The following RSPO3 variants were observed in gnomAD, a reference collection of about 807,000 sequenced individuals.
RSPO3 encodes R-spondin 3.
In RSPO3, 17 loss-of-function variants were observed where a neutral mutation model predicts 36.5. The observed-to-expected ratio is 0.47, with a 90% CI of 0.32 to 0.70. The LOEUF is 0.70. Among genes scored for constraint, RSPO3 ranks in the 30% least tolerant of loss-of-function variants. The pLI, the probability that RSPO3 is intolerant of heterozygous loss-of-function variation, is 0.04. For synonymous variants in RSPO3, 108 were observed against 107.0 expected (o/e 1.01, Z -0.06); for missense variants, 294 against 322.5 (o/e 0.91, Z 0.68).
At chr6:127,166,730 T>C (rs1283505450) in intron 4 of RSPO3, among the ~76,000 whole-genome samples, 4 of 152,000 alleles carry the variant, frequency 2.6e-5, no homozygotes, top group Non-Finnish European at 5.9e-5. Flanking sequence ...AGATTATTTT[T>C]CAAAAAGGTG....
rs73771624 is a variant in RSPO3 at position 127,187,708 on chromosome 6, C to G, written c.635-8115C>G. The stretch of plus-strand genomic sequence containing the variant: ...AGATAGGATTTCAAAGTCAAGATAA[C>G]AACTTCTGCTCTGAAGAAAAAATTA... On this transcript the variant is annotated intron_variant, in intron 4 of 4. Transcript: ENST00000356698. Among the ~76,000 whole-genome samples, 821 of 152,104 alleles carry G rather than the reference C, an allele frequency of 5.4e-3. 6 individuals are homozygous for G. Among genetic ancestry groups the G allele is most frequent in the African/African-American group, 0.018 (750 of 41,510 alleles).
At chr6:127,163,769 T>C (rs922000970) in intron 4 of RSPO3, among the ~76,000 whole-genome samples, 1 of 152,230 alleles carries the variant, frequency 6.6e-6, no homozygotes, top group Non-Finnish European at 1.5e-5. Flanking sequence ...ATGATAGTCC[T>C]TTTTCACCAA....
At chr6:127,181,497 T>G (rs1775185992) in intron 4 of RSPO3, among the ~76,000 whole-genome samples, 1 of 151,826 alleles carries the variant, frequency 6.6e-6, no homozygotes, top group Admixed American at 6.6e-5. Context: ...TAGGGTTGAT[T>G]CACACACCCA....
At chr6:127,135,223 C>T (rs2114555996) in intron 1 of RSPO3, among the ~76,000 whole-genome samples, 1 of 151,830 alleles carries the variant, frequency 6.6e-6, no homozygotes, top group South Asian at 2.1e-4. Context: ...AGATCGAGAC[C>T]ATCATAGCCA....
chr6:127,137,579 C>T (rs1466434745), intron 1 of RSPO3, among the ~76,000 whole-genome samples: 1 of 152,132 alleles, frequency 6.6e-6, no homozygotes, highest in Non-Finnish European at 1.5e-5. Context: ...TCAATATTCT[C>T]ATCTGCAAAT....
In RSPO3 at chr6:127,173,665, G is replaced by A. The variant is rs182126286; in HGVS notation, c.634+18227G>A. Among the ~76,000 whole-genome samples the A allele has an allele frequency of 5.0e-4, 76 of 151,994 alleles. 1 individual carries two copies. The highest frequency in any genetic ancestry group is 9.0e-4 in the Non-Finnish European group (61 of 67,894). ...ATGAAGCAAACTTCCCACCCCAGGA[G>A]GCTTCTCAGCCTGAAGCAAGCTGTA... On this transcript the variant is annotated intron_variant, in intron 4 of 4. Transcript: ENST00000356698.
chr6:127,198,385 A>G lies in RSPO3; in HGVS notation c.*2378A>G, dbSNP rs1314562219. 6.6e-6 allele frequency among the ~76,000 whole-genome samples: 1 copy of G among 152,236 alleles called. No individual in the cohort carries two copies. The highest frequency in any genetic ancestry group is 1.5e-5 in the Non-Finnish European group (1 of 68,044). On this transcript the variant is annotated 3_prime_UTR_variant, in exon 5 of 5. Coordinates refer to ENST00000356698, the MANE Select transcript of RSPO3 (RefSeq NM_032784.5). ...TCCACCAGTAACAGATCCTTAAGACAATAGAATCATACAGTATTCAAACCA... is the reference window on the plus strand; with the variant it reads ...TCCACCAGTAACAGATCCTTAAGACGATAGAATCATACAGTATTCAAACCA...
At chr6:127,178,527 T>C (rs893053884) in intron 4 of RSPO3, among the ~76,000 whole-genome samples, 1 of 151,748 alleles carries the variant, frequency 6.6e-6, no homozygotes, top group Non-Finnish European at 1.5e-5. Flanking sequence ...AAGAAAAACA[T>C]GCTGGGTTAA....
chr6:127,191,919 A>C (rs1052789791), intron 4 of RSPO3, among the ~76,000 whole-genome samples: 1 of 152,148 alleles, frequency 6.6e-6, no homozygotes, highest in Non-Finnish European at 1.5e-5. Flanking sequence ...GTAATATTCT[A>C]TATATAGACT....
chr6:127,130,566 T>C (rs1220014727), intron 1 of RSPO3, among the ~76,000 whole-genome samples: 2 of 152,138 alleles, frequency 1.3e-5, no homozygotes, highest in Non-Finnish European at 2.9e-5. Flanking sequence ...CATGACCTGA[T>C]TGTCACTATG....
At chr6:127,175,928 G>T (rs539152259) in intron 4 of RSPO3, among the ~76,000 whole-genome samples, 27 of 151,742 alleles carry the variant, frequency 1.8e-4, no homozygotes, top group Admixed American at 1.6e-3. Flanking sequence ...ATCTTAAATT[G>T]TTTTCTTATA....
intron 3 of RSPO3, among the ~76,000 whole-genome samples, chr6:127,153,315 T>A (rs1486470728): frequency 6.6e-6 from 1 of 152,108 alleles, no homozygotes; most frequent in Admixed American, 6.6e-5. Context: ...CTAAATCACC[T>A]TTGTGTTGTC....
At position 127,150,522 on chromosome 6, in the gene RSPO3, G is replaced by T; in HGVS notation, c.386G>T (p.Cys129Phe). 1 of 1,612,204 alleles carries T rather than the reference G, an allele frequency of 6.2e-7. No individual in the cohort carries two copies. Among genetic ancestry groups the T allele is most frequent in the East Asian group, 2.2e-5 (1 of 44,776 alleles). Residue 129 changes from cysteine to phenylalanine, a missense_variant, in exon 3 of 5, where the codon TGC (cysteine) becomes TTC (phenylalanine). Around this residue, in one of 3 missense-constraint regions of RSPO3, gnomAD observed 190 missense variants for 185.2 expected, o/e 1.03. Coordinates refer to ENST00000356698, the MANE Select transcript of RSPO3 (RefSeq NM_032784.5). ...CACCTTGGAAAGTGCCTTGACAATT[G>T]CCCAGAAGGGTTGGAAGCCAACAAC... Reference protein sequence around the residue: ...YLHLGKCLDNCPEGLEANNHT... With the variant: ...YLHLGKCLDNFPEGLEANNHT...
intron 1 of RSPO3, among the ~76,000 whole-genome samples, chr6:127,131,721 T>A (rs1405194869): frequency 2.0e-5 from 3 of 152,074 alleles, no homozygotes; most frequent in African/African-American, 7.2e-5. Flanking sequence ...AGATGTCAGT[T>A]TTCCCCCCAC....
chr6:127,171,889 T>A (rs1248233099), intron 4 of RSPO3, among the ~76,000 whole-genome samples: 1 of 151,676 alleles, frequency 6.6e-6, no homozygotes, highest in African/African-American at 2.4e-5. Flanking sequence ...TGATCATTTA[T>A]AATTAATATT....
intron 4 of RSPO3, among the ~76,000 whole-genome samples, chr6:127,190,509 A>T (rs1775387872): frequency 6.6e-6 from 1 of 152,214 alleles, no homozygotes; most frequent in Non-Finnish European, 1.5e-5. Flanking sequence ...CCAATTCCAG[A>T]TTCAAAAATA....
At chr6:127,119,438 G>A (rs960304170) in intron 1 of RSPO3, 149 bp downstream of exon 1, 27 of 643,222 alleles carry the variant, frequency 4.2e-5, no homozygotes, top group Non-Finnish European at 5.8e-5. Context: ...TGGGGGTATG[G>A]ACGGCGTCTT....
intron 1 of RSPO3, among the ~76,000 whole-genome samples, chr6:127,125,443 C>G (rs1773921102): frequency 6.6e-6 from 1 of 152,138 alleles, no homozygotes; most frequent in Admixed American, 6.6e-5. Context: ...CCAAGAAAGT[C>G]CTTTTACTAT....
chr6:127,174,360 C>T (rs971171607), intron 4 of RSPO3, among the ~76,000 whole-genome samples: 5 of 151,806 alleles, frequency 3.3e-5, no homozygotes, highest in East Asian at 3.9e-4. Context: ...AATAGAAAAA[C>T]GAACAAATTT....
Sources: gnomAD v4.1 joint callset for allele counts (sites outside exome capture counted in the v4.1 genomes callset) on GRCh38, gnomAD v4.1.1 for gene constraint, gnomAD v4.1.1 regional missense constraint, MANE v1.5 for transcripts, NCBI Gene and HGNC (gene_info 2026-07-23, HGNC 2026-07-21) for gene names.